The following RBMS2 variants were observed in gnomAD, a reference collection of about 807,000 sequenced individuals.
The protein encoded by RBMS2 is RNA binding motif single stranded interacting protein 2.
Under a neutral mutation model 58.4 loss-of-function variants are expected in RBMS2, and 38 were observed. The observed-to-expected ratio is 0.65, with a 90% CI of 0.50 to 0.85. RBMS2 has a LOEUF of 0.85. RBMS2 is among the 40% of genes least tolerant of loss of function. RBMS2 has a pLI of 0.00. For missense variants in RBMS2, 367 were observed against 503.7 expected, an observed-to-expected ratio of 0.73 and a Z score of 2.60; for synonymous variants, 151 against 180.7, an observed-to-expected ratio of 0.84 and a Z score of 1.32.
In RBMS2 at chr12:56,593,888, G is replaced by A. The variant is rs1470063316; in HGVS notation, c.*4755G>A. 1 of 152,294 alleles carries A rather than the reference G, an allele frequency of 6.6e-6. No individual in the cohort carries two copies. Among genetic ancestry groups the A allele is most frequent in the Non-Finnish European group, 1.5e-5 (1 of 68,120 alleles). The allele number at this position is 152,294 out of a possible 1,614,324, so 9.4% of individuals were successfully genotyped here. A position where few individuals can be genotyped will look rare whatever the true frequency, so the allele number is the denominator to read the frequency against. ...ACTAAAGAATTTGTAGAGTTGCCCA[G>A]GCCAGGAAGCCTGGTGGCTCTAAAG... On this transcript the variant is annotated 3_prime_UTR_variant, in exon 14 of 14. Coordinates refer to ENST00000262031, the MANE Select transcript of RBMS2 (RefSeq NM_002898.4).
chr12:56,589,457 C>A lies in RBMS2; in HGVS notation c.*324C>A. 2.6e-6 allele frequency: 1 copy of A among 384,978 alleles called. No individual in the cohort carries two copies. The highest frequency in any genetic ancestry group is 4.1e-6 in the Non-Finnish European group (1 of 246,570). The allele number at this position is 384,978 out of a possible 1,614,324, so 23.8% of individuals were successfully genotyped here. Reference sequence around the variant, plus strand: ...GTACTTTTCCCCTACCTTGAAGAGACATGGTGGTCGCAGCTTCTCATCTAT... The same window carrying A: ...GTACTTTTCCCCTACCTTGAAGAGAAATGGTGGTCGCAGCTTCTCATCTAT... On this transcript the variant is annotated 3_prime_UTR_variant, in exon 14 of 14. Coordinates refer to ENST00000262031, the MANE Select transcript of RBMS2 (RefSeq NM_002898.4).
chr12:56,556,506 G>A (rs1466256703), intron 1 of RBMS2, among the ~76,000 whole-genome samples: 1 of 151,728 alleles, frequency 6.6e-6, no homozygotes, highest in African/African-American at 2.4e-5. Flanking sequence ...CTCTGGAGTA[G>A]CTGGGATTAT....
At chr12:56,588,694 G>A (rs572154389) in intron 12 of RBMS2, 4 of 592,664 alleles carry the variant, frequency 6.7e-6, no homozygotes, top group Non-Finnish European at 9.0e-6. Flanking sequence ...CCTTACATTT[G>A]GCCAGCCAGT....
intron 1 of RBMS2, among the ~76,000 whole-genome samples, chr12:56,528,249 C>CAA (rs35558222): frequency 0.022 from 3,037 of 135,556 alleles, 106 homozygotes; most frequent in African/African-American, 0.075. Flanking sequence ...GACCATGTAT[C>CAA]AAAAAAAAAA....
chr12:56,555,907 G>A (rs1879149975), intron 1 of RBMS2, among the ~76,000 whole-genome samples: 1 of 151,980 alleles, frequency 6.6e-6, no homozygotes, highest in South Asian at 2.1e-4. Flanking sequence ...TTAGCCATGT[G>A]TGGTGGTGTG....
chr12:56,534,232 G>A (rs1198194883), intron 1 of RBMS2, among the ~76,000 whole-genome samples: 3 of 152,084 alleles, frequency 2.0e-5, no homozygotes, highest in Non-Finnish European at 4.4e-5. Flanking sequence ...TGAATATACT[G>A]TAATTTATCC....
In RBMS2 at chr12:56,569,968, G is replaced by A; in HGVS notation, c.362G>A (p.Gly121Asp). 1 of 1,613,494 alleles carries A rather than the reference G, an allele frequency of 6.2e-7. No homozygotes were observed. The highest frequency in any genetic ancestry group is 8.5e-7 in the Non-Finnish European group (1 of 1,179,428). ...QKAVTALKASGVQAQMAKQQE... is the reference protein window; with the variant it reads ...QKAVTALKASDVQAQMAKQQE... ...GCTGTAACAGCACTGAAGGCCAGCG[G>A]TGTACAGGCACAGATGGCAAAGGTA... The change falls in exon 4 of 14, where the codon GGT (glycine) becomes GAT (aspartate). Residue 121 changes from glycine (G) to aspartate (D), a missense_variant. By Grantham distance (94) the Gly-to-Asp change is moderately conservative. Around this residue, in one of 3 missense-constraint regions of RBMS2, gnomAD observed 54 missense variants for 110.4 expected, o/e 0.49. Coordinates refer to ENST00000262031, the MANE Select transcript of RBMS2 (RefSeq NM_002898.4).
At chr12:56,537,186 G>A (rs1160352580) in intron 1 of RBMS2, among the ~76,000 whole-genome samples, 2 of 152,112 alleles carry the variant, frequency 1.3e-5, no homozygotes, top group African/African-American at 2.4e-5. Flanking sequence ...CTCCCAAAGT[G>A]CTGGGATTAC....
At chr12:56,533,408 C>CTTT (rs1164155079) in intron 1 of RBMS2, among the ~76,000 whole-genome samples, 31 of 65,300 alleles carry the variant, frequency 4.7e-4, no homozygotes, top group East Asian at 1.5e-3. Flanking sequence ...AGCCCTATTA[C>CTTT]TTTTTTTTTT....
At chr12:56,572,912 A>G in intron 5 of RBMS2, 2 of 985,266 alleles carry the variant, frequency 2.0e-6, no homozygotes, top group Non-Finnish European at 2.4e-6. Flanking sequence ...AGTATTCCCT[A>G]TACCTGCAGT....
At chr12:56,574,731 A>G (rs1882851535) in intron 5 of RBMS2, among the ~76,000 whole-genome samples, 1 of 152,226 alleles carries the variant, frequency 6.6e-6, no homozygotes, top group Non-Finnish European at 1.5e-5. Flanking sequence ...ATTCATGCAA[A>G]GTATGATTTC....
chr12:56,550,950 A>G lies in RBMS2; in HGVS notation c.67-11467A>G, dbSNP rs1046382600. Reference sequence around the variant, plus strand: ...GGAGTTCAAGACCAGCCTAAACAACATAGCAAAAAATTTAGAAATCAGCCA... The same window carrying G: ...GGAGTTCAAGACCAGCCTAAACAACGTAGCAAAAAATTTAGAAATCAGCCA... On this transcript the variant is annotated intron_variant, in intron 1 of 13. Coordinates refer to ENST00000262031, the MANE Select transcript of RBMS2 (RefSeq NM_002898.4). 2.0e-5 allele frequency among the ~76,000 whole-genome samples: 3 copies of G among 151,960 alleles called. No individual in the cohort carries two copies. The East Asian group carries it at 5.8e-4, about 29-fold the overall frequency.
intron 1 of RBMS2, among the ~76,000 whole-genome samples, chr12:56,558,590 CTTTTTTT>C (rs10676323): frequency 2.1e-4 from 19 of 92,198 alleles, no homozygotes; most frequent in Non-Finnish European, 2.0e-4. Context: ...TTTCTTTTTC[CTTTTTTT>C]TTTTTTTTTG....
chr12:56,522,901 T>C (rs1871991654), intron 1 of RBMS2, among the ~76,000 whole-genome samples: 1 of 152,204 alleles, frequency 6.6e-6, no homozygotes, highest in African/African-American at 2.4e-5. Context: ...AGGAATTTCA[T>C]GCTGTAGCAG....
intron 5 of RBMS2, among the ~76,000 whole-genome samples, chr12:56,573,865 A>C (rs947095213): frequency 1.3e-5 from 2 of 151,504 alleles, no homozygotes; most frequent in Non-Finnish European, 2.9e-5. Flanking sequence ...TGTTGAGACG[A>C]AGTCTCACTC....
intron 1 of RBMS2, among the ~76,000 whole-genome samples, chr12:56,539,449 C>A (rs7300877): frequency 0.6 from 90,560 of 151,958 alleles, 27,598 homozygotes; most frequent in East Asian, 0.71. Context: ...CCCTTTCTTC[C>A]CACCTTCTGT....
chr12:56,589,358 T>A lies in RBMS2; in HGVS notation c.*225T>A, dbSNP rs1025853834. On this transcript the variant is annotated 3_prime_UTR_variant, in exon 14 of 14. Coordinates refer to ENST00000262031, the MANE Select transcript of RBMS2 (RefSeq NM_002898.4). ...AGCCTGGGGGAACCATCACTTTTTTTGTGTGCTACATTCAAGGAGATCAAA... is the reference window on the plus strand; with the variant it reads ...AGCCTGGGGGAACCATCACTTTTTTAGTGTGCTACATTCAAGGAGATCAAA... 16 of 1,197,602 alleles carry A rather than the reference T, an allele frequency of 1.3e-5. No individual in the cohort carries two copies. The African/African-American group carries it at 2.4e-4, about 18-fold the overall frequency. The allele number at this position is 1,197,602 out of a possible 1,614,324, so 74.2% of individuals were successfully genotyped here.
intron 1 of RBMS2, among the ~76,000 whole-genome samples, chr12:56,560,610 G>T (rs1228476572): frequency 6.6e-6 from 1 of 151,734 alleles, no homozygotes; most frequent in Non-Finnish European, 1.5e-5. Flanking sequence ...GCCCAGGCTG[G>T]TCTCAAACTC....
At chr12:56,581,798 G>T (rs751229913) in intron 7 of RBMS2, 35 bp from the exon 8 acceptor site, 3 of 1,612,050 alleles carry the variant, frequency 1.9e-6, no homozygotes, top group African/African-American at 1.3e-5. Context: ...TCACTCAAGG[G>T]CTCACAATGT....
Sources: allele counts gnomAD v4.1 joint callset (sites outside exome capture counted in the v4.1 genomes callset), GRCh38; gene constraint gnomAD v4.1.1; regional missense constraint gnomAD v4.1.1; transcripts MANE v1.5; gene names NCBI Gene and HGNC (gene_info 2026-07-23, HGNC 2026-07-21).